Variants in ZNF285 observed in about 807,000 individuals in gnomAD.
ZNF285 encodes the protein zinc finger protein 285.
In ZNF285, 4 loss-of-function variants were observed where a neutral mutation model predicts 6.2. That is an observed-to-expected ratio of 0.65 (90% CI 0.32 to 1.49). ZNF285 has a LOEUF of 1.49. ZNF285 is among the 40% of genes most tolerant of loss of function. ZNF285 has a pLI of 0.07. For missense variants in ZNF285, 695 were observed against 708.8 expected (o/e 0.98, Z 0.22); for synonymous variants, 240 against 245.8 (o/e 0.98, Z 0.22).
rs1420312932 is a variant in ZNF285 at position 44,386,972 on chromosome 19, C to A, written c.1273G>T (p.Glu425Ter). The A allele has an allele frequency of 2.7e-5, 43 of 1,613,976 alleles. No homozygotes were observed. The highest frequency in any genetic ancestry group is 3.6e-5 in the Non-Finnish European group (42 of 1,180,034). ...LQVHWRFHTG[E>*]KPYRCGECGK... ...CACTCACCACACCTATATGGTTTCT[C>A]CCCTGTGTGAAACCTCCAGTGGACT... Residue 425 changes from glutamate (E) to a stop codon, truncating the protein, a stop_gained, in exon 4 of 4, where the codon GAG becomes TAG. Transcript: ENST00000614994. LOFTEE classifies it low-confidence loss of function (END_TRUNC).
rs866398026 is a variant in ZNF285, at chr19:44,385,008, A to G, written c.*1464T>C. The G allele has an allele frequency of 8.4e-5, 12 of 143,148 alleles. No homozygotes were observed. The highest frequency in any genetic ancestry group is 3.5e-3 in the Middle Eastern group (1 of 282). The allele number at this position is 143,148 out of a possible 1,614,324, so 8.9% of individuals were successfully genotyped here. A position where few individuals can be genotyped will look rare whatever the true frequency, so the allele number is the denominator to read the frequency against. On this transcript the variant is annotated 3_prime_UTR_variant, in exon 4 of 4. Transcript: ENST00000614994. Reference sequence around the variant, plus strand: ...CAGCAAGACCCTGTTTCCAAAAAAAAAAAAAAAAAAAAAAAGCAAAGAGAT... The same window carrying G: ...CAGCAAGACCCTGTTTCCAAAAAAAGAAAAAAAAAAAAAAAGCAAAGAGAT...
intron 1 of ZNF285, chr19:44,401,347 A>C (rs1189929575): frequency 6.6e-6 from 1 of 151,654 alleles, no homozygotes; most frequent in Non-Finnish European, 1.5e-5. Flanking sequence ...TGCTCCCCAA[A>C]CCGAGCCCAC....
intron 1 of ZNF285, among the ~76,000 whole-genome samples, chr19:44,398,948 A>T (rs1265460491): frequency 6.6e-6 from 1 of 152,138 alleles, no homozygotes; most frequent in Non-Finnish European, 1.5e-5. Context: ...ACAGACTGAT[A>T]TTCTGGTAAG....
Position 44,382,843 on chromosome 19 carries a change from G to A in ZNF285, c.*3629C>T, listed in dbSNP as rs1971023549. 6.6e-6 allele frequency: 1 copy of A among 152,178 alleles called. No homozygotes were observed. Among genetic ancestry groups the A allele is most frequent in the Non-Finnish European group, 1.5e-5 (1 of 68,040 alleles). The allele number at this position is 152,178 out of a possible 1,614,324, so 9.4% of individuals were successfully genotyped here. The stretch of plus-strand genomic sequence containing the variant: ...TGTCAGAGCTTCACAGAAGTTGCAT[G>A]AGAAAGCCAGGTTCTAACACCTCCC... On this transcript the variant is annotated 3_prime_UTR_variant, in exon 4 of 4. Transcript: ENST00000614994.
chr19:44,397,448 C>G (rs1439031441), intron 1 of ZNF285, among the ~76,000 whole-genome samples, 192 bp from the exon 2 acceptor site: 4 of 152,148 alleles, frequency 2.6e-5, no homozygotes. Flanking sequence ...CAATCTCAGA[C>G]CACTGTGTAA....
Position 44,397,223 on chromosome 19 carries a change from CT to C in ZNF285, c.-11del, listed in dbSNP as rs1375533977. The C allele has an allele frequency of 3.1e-6, 5 of 1,613,802 alleles. No individual in the cohort carries two copies. The highest frequency in any genetic ancestry group is 4.2e-6 in the Non-Finnish European group (5 of 1,179,880). Reference sequence around the variant, plus strand: ...CCTGGAACTTAATCATACCGTCTTCCTTTTGGAAAGGGCAGGATTCTGGAAA... The same window carrying C: ...CCTGGAACTTAATCATACCGTCTTCCTTTGGAAAGGGCAGGATTCTGGAAA... On this transcript the variant is annotated 5_prime_UTR_variant, in exon 2 of 4. Coordinates refer to ENST00000614994, the MANE Select transcript of ZNF285 (RefSeq NM_152354.6).
intron 2 of ZNF285, 169 bp downstream of exon 2, chr19:44,397,030 A>G (rs1286765196): frequency 1.1e-6 from 1 of 899,488 alleles, no homozygotes; most frequent in African/African-American, 1.7e-5. Context: ...TTGTTTCTTC[A>G]CTTCTATAAA....
rs1568382824 is a variant in ZNF285, at chr19:44,386,608, C to A, written c.1637G>T (p.Gly546Val). The A allele has an allele frequency of 1.9e-6, 3 of 1,614,166 alleles. No homozygotes were observed. The highest frequency in any genetic ancestry group is 2.5e-6 in the Non-Finnish European group (3 of 1,180,016). Residue 546 changes from glycine (G) to valine (V), a missense_variant, in exon 4 of 4, where the codon GGT (glycine) becomes GTT (valine). Coordinates refer to ENST00000614994, the MANE Select transcript of ZNF285 (RefSeq NM_152354.6). ...GTATGAATTACGACTGAAGCCCTTA[C>A]CACATGCCTTACACTTATAGGGCCT... ...GERPYKCKAC[G>V]KGFSRNSYLL...
At chr19:44,397,295 C>T in intron 1 of ZNF285, 39 bp from the exon 2 acceptor site, 2 of 1,608,586 alleles carry the variant, frequency 1.2e-6, no homozygotes, top group Non-Finnish European at 1.7e-6. Context: ...ATGGGTTCAA[C>T]AAGTTGTGAA....
rs1308244920 is a variant in ZNF285 at position 44,385,744 on chromosome 19, C to A, written c.*728G>T. 1 of 152,198 alleles carries A rather than the reference C, an allele frequency of 6.6e-6. No individual in the cohort carries two copies. The highest frequency in any genetic ancestry group is 1.5e-5 in the Non-Finnish European group (1 of 68,038). The allele number at this position is 152,198 out of a possible 1,614,324, so 9.4% of individuals were successfully genotyped here. ...CAACCCAGTCTGGAATAAGCAGCCTCCAAGGTCACCTTGGCAGGGATAGAG... is the reference window on the plus strand; with the variant it reads ...CAACCCAGTCTGGAATAAGCAGCCTACAAGGTCACCTTGGCAGGGATAGAG... On this transcript the variant is annotated 3_prime_UTR_variant, in exon 4 of 4. Coordinates refer to ENST00000614994, the MANE Select transcript of ZNF285 (RefSeq NM_152354.6).
rs1467527305 is a variant in ZNF285, at chr19:44,387,784, T to G, written c.461A>C (p.Asn154Thr). ...AGAGTTCTGGGGCTCGGTCATTATGTTGGCTTTCCTCCACGATTCTGGGGT... is the reference window on the plus strand; with the variant it reads ...AGAGTTCTGGGGCTCGGTCATTATGGTGGCTTTCCTCCACGATTCTGGGGT... ...VLTPESWRKA[N>T]IMTEPQNSQG... Residue 154 changes from asparagine to threonine, a missense_variant, in exon 4 of 4, where the codon AAC (asparagine) becomes ACC (threonine). By Grantham distance (65) the Asn-to-Thr change is moderately conservative. Transcript: ENST00000614994. 2.5e-6 allele frequency: 4 copies of G among 1,613,932 alleles called. No individual in the cohort carries two copies. Among genetic ancestry groups the G allele is most frequent in the Non-Finnish European group, 3.4e-6 (4 of 1,179,842 alleles).
At chr19:44,388,204 C>A in intron 3 of ZNF285, 102 bp from the exon 4 acceptor site, 1 of 1,075,486 alleles carries the variant, frequency 9.3e-7, no homozygotes. Flanking sequence ...TCCCTGGGTT[C>A]TATTGACGTA....
In ZNF285 at chr19:44,383,418, C is replaced by T. The variant is rs1971029455; in HGVS notation, c.*3054G>A. 2 of 152,170 alleles carry T rather than the reference C, an allele frequency of 1.3e-5. No individual in the cohort carries two copies. Among genetic ancestry groups the T allele is most frequent in the Non-Finnish European group, 2.9e-5 (2 of 68,046 alleles). 9.4% of individuals were successfully genotyped at this position (152,170 alleles called of 1,614,324 possible). A position where few individuals can be genotyped will look rare whatever the true frequency, so the allele number is the denominator to read the frequency against. On this transcript the variant is annotated 3_prime_UTR_variant, in exon 4 of 4. Transcript: ENST00000614994. ...ACCCTGGCACTATGGGACCAACCCT[C>T]GATTGGTCTTCTGGAGGGTGAGAGA...
intron 1 of ZNF285, among the ~76,000 whole-genome samples, chr19:44,400,419 C>T (rs1016038229): frequency 6.6e-6 from 1 of 152,084 alleles, no homozygotes; most frequent in Non-Finnish European, 1.5e-5. Flanking sequence ...AAATCTCTAA[C>T]TTTATCAAAT....
chr19:44,394,696 T>C (rs1971252354), intron 2 of ZNF285, among the ~76,000 whole-genome samples: 1 of 152,192 alleles, frequency 6.6e-6, no homozygotes, highest in African/African-American at 2.4e-5. Context: ...CTCAATAGAC[T>C]CTGCATCTCT....
At chr19:44,394,985 G>A (rs1971256668) in intron 2 of ZNF285, among the ~76,000 whole-genome samples, 1 of 152,076 alleles carries the variant, frequency 6.6e-6, no homozygotes, top group Non-Finnish European at 1.5e-5. Flanking sequence ...AAGGAGTTAG[G>A]AATAGAGGTT....
chr19:44,393,174 A>G (rs1190647669), intron 2 of ZNF285, among the ~76,000 whole-genome samples: 1 of 152,184 alleles, frequency 6.6e-6, no homozygotes. Flanking sequence ...TTTAGGGATG[A>G]ATTATAGTAA....
chr19:44,395,981 C>T (rs796342064), intron 2 of ZNF285, among the ~76,000 whole-genome samples: 5 of 152,216 alleles, frequency 3.3e-5, no homozygotes, highest in African/African-American at 1.2e-4. Flanking sequence ...AAATGGTGAC[C>T]TGGGTGATGC....
At chr19:44,398,979 C>T (rs536523831) in intron 1 of ZNF285, among the ~76,000 whole-genome samples, 32 of 151,254 alleles carry the variant, frequency 2.1e-4, no homozygotes, top group South Asian at 6.3e-4. Flanking sequence ...AAGAAATTAC[C>T]AGAAAAAGGA....
Sources: allele counts gnomAD v4.1 joint callset (sites outside exome capture counted in the v4.1 genomes callset), GRCh38; gene constraint gnomAD v4.1.1; transcripts MANE v1.5; gene names NCBI Gene and HGNC (gene_info 2026-07-23, HGNC 2026-07-21).